BRD9: variants seen among roughly 807,000 people sequenced by gnomAD.
BRD9 encodes bromodomain-containing protein 9.
A neutral mutation model predicts 68.7 loss-of-function variants in BRD9; 47 were observed. The observed-to-expected ratio is 0.68, with a 90% confidence interval of 0.54 to 0.87. The LOEUF is 0.87. Ranked by LOEUF, BRD9 falls within the 40% of genes least tolerant of loss-of-function variation. The pLI, the probability that BRD9 is intolerant of heterozygous loss-of-function variation, is 0.00. For synonymous variants in BRD9, 313 were observed against 293.9 expected (o/e 1.06, Z -0.67); for missense variants, 670 against 748.4 (o/e 0.90, Z 1.22).
At chr5:875,733 A>G (rs1259929303) in intron 12 of BRD9, among the ~76,000 whole-genome samples, 2 of 152,238 alleles carry the variant, frequency 1.3e-5, no homozygotes, top group African/African-American at 4.8e-5. Flanking sequence ...ATACACAGGG[A>G]AAATGAATTT....
At chr5:891,034 T>G in intron 3 of BRD9, 121 bp downstream of exon 3, 2 of 1,299,594 alleles carry the variant, frequency 1.5e-6, no homozygotes, top group Non-Finnish European at 2.0e-6. Context: ...GATGAGGCCC[T>G]GGAAATACCA....
At chr5:868,133 C>T (rs1749620336) in intron 14 of BRD9, among the ~76,000 whole-genome samples, 1 of 152,168 alleles carries the variant, frequency 6.6e-6, no homozygotes, top group Admixed American at 6.5e-5. Flanking sequence ...AAGCACTTCC[C>T]CCTTTGCGTT....
chr5:864,708 T>G, intron 15 of BRD9, 140 bp from the exon 16 acceptor site: 2 of 662,918 alleles, frequency 3.0e-6, no homozygotes, highest in Non-Finnish European at 5.2e-6. Context: ...TCTCACTCCC[T>G]GCCAAGGAGA....
chr5:878,299 C>T (rs554318861), intron 11 of BRD9, 56 bp downstream of exon 11: 9 of 1,602,630 alleles, frequency 5.6e-6, no homozygotes, highest in Non-Finnish European at 7.6e-6. Context: ...ACGTCCCACA[C>T]CAGGGCACAG....
At chr5:864,695 A>G in intron 15 of BRD9, 127 bp from the exon 16 acceptor site, 1 of 722,498 alleles carries the variant, frequency 1.4e-6, no homozygotes, top group Non-Finnish European at 2.3e-6. Context: ...ACACAGGGGC[A>G]CCTCTCACTC....
rs776150641 is a variant in BRD9, at chr5:891,247, G to T, written c.308C>A (p.Thr103Lys). The T allele has an allele frequency of 1.3e-6, 2 of 1,551,780 alleles. No homozygotes were observed. Among genetic ancestry groups the T allele is most frequent in the South Asian group, 1.2e-5 (1 of 84,050 alleles). The change falls in exon 3 of 16, where the codon ACG becomes AAG. Residue 103 changes from threonine to lysine, a missense_variant. Transcript: ENST00000467963. ...ATCAAAGTCGTCAGCCTCTCCCTCC[G>T]TGTCACAGTGCTCCCTCTCTCGCTT... ...KRKREREHCD[T>K]EGEADDFDPG...
chr5:876,755 C>T (rs73733915), intron 11 of BRD9, among the ~76,000 whole-genome samples: 4 of 152,142 alleles, frequency 2.6e-5, no homozygotes, highest in South Asian at 4.2e-4. Context: ...ACCAAGCAAG[C>T]GCCTCAGAAG....
chr5:891,834 C>T lies in BRD9; in HGVS notation c.73G>A (p.Glu25Lys), dbSNP rs1753455691. ...SYEDYADKPL[E>K]KPLKLVLKVG... ...TTCAGGACTAGCTTTAGAGGCTTCT[C>T]CAGGGGCTTGTCGGCATAATCTGCA... Residue 25 changes from glutamate (E) to lysine (K), a missense_variant, in exon 2 of 16, where the codon GAG (glutamate) becomes AAG (lysine). Glu to Lys is a moderately conservative substitution (Grantham distance 56). Transcript: ENST00000467963. 6.4e-7 allele frequency: 1 copy of T among 1,551,510 alleles called. No homozygotes were observed. The highest frequency in any genetic ancestry group is 8.7e-7 in the Non-Finnish European group (1 of 1,147,000).
intron 14 of BRD9, 192 bp downstream of exon 14, chr5:870,281 A>T: frequency 3.5e-6 from 2 of 573,040 alleles, no homozygotes; most frequent in South Asian, 4.2e-5. Flanking sequence ...TAAAAAAGAC[A>T]CAACACTCAG....
chr5:886,586 C>A lies in BRD9; in HGVS notation c.833+6G>T. 6.2e-7 allele frequency: 1 copy of A among 1,612,822 alleles called. No individual in the cohort carries two copies. Among genetic ancestry groups the A allele is most frequent in the East Asian group, 2.2e-5 (1 of 44,870 alleles). On this transcript the variant is annotated splice_donor_region_variant and intron_variant, in intron 7 of 15. Transcript: ENST00000467963. Reference sequence around the variant, plus strand: ...AAAGCAAATGTGGTTTCCACAGAACCTTTACCTGATAACTTCTCTACTCGG... The same window carrying A: ...AAAGCAAATGTGGTTTCCACAGAACATTTACCTGATAACTTCTCTACTCGG...
At chr5:878,635 C>A (rs1488813868) in intron 10 of BRD9, 148 bp from the exon 11 acceptor site, 12 of 1,080,024 alleles carry the variant, frequency 1.1e-5, no homozygotes, top group Non-Finnish European at 1.6e-5. Flanking sequence ...AATTCTCACT[C>A]CTGAGTTTTC....
intron 7 of BRD9, among the ~76,000 whole-genome samples, chr5:884,835 T>C (rs1322952400): frequency 6.6e-6 from 1 of 152,218 alleles, no homozygotes; most frequent in African/African-American, 2.4e-5. Context: ...AGGGAGGGGC[T>C]CCACTCAGGC....
At chr5:883,234 T>C in intron 8 of BRD9, 1 of 435,862 alleles carries the variant, frequency 2.3e-6, no homozygotes, top group South Asian at 1.6e-5. Flanking sequence ...ATGTGCATTT[T>C]GAAGACTTAA....
At chr5:886,084 C>T (rs73733971) in intron 7 of BRD9, among the ~76,000 whole-genome samples, 1,537 of 152,298 alleles carry the variant, frequency 0.01, 28 homozygotes, top group African/African-American at 0.035. Context: ...CTGCTTCCCC[C>T]GCAGCATCCA....
At chr5:876,865 C>G (rs73733919) in intron 11 of BRD9, among the ~76,000 whole-genome samples, 5,642 of 152,230 alleles carry the variant, frequency 0.037, 332 homozygotes, top group African/African-American at 0.13. Context: ...GACTCCGTGT[C>G]TTTGTTAAAA....
intron 7 of BRD9, among the ~76,000 whole-genome samples, chr5:885,244 C>A (rs1478904667): frequency 2.0e-5 from 3 of 152,222 alleles, no homozygotes; most frequent in African/African-American, 7.2e-5. Context: ...ATGCAACGCA[C>A]GTGGGGAGAC....
rs1753319803 is a variant in BRD9, at chr5:891,176, G to C, written c.379C>G (p.Arg127Gly). The part of the protein sequence containing the change: ...EVEPPPDRPV[R>G]ACRTQPAENE... ...TTGCCTGGCTGTGTCCGGCACGCTC[G>C]GACTGGCCGATCTGGGGGCGGCTCC... Residue 127 changes from arginine to glycine, a missense_variant, in exon 3 of 16, where the codon CGA becomes GGA. Physicochemically the swap from Arg to Gly is moderately radical, Grantham distance 125. Around this residue, in one of 5 missense-constraint regions of BRD9, gnomAD observed 94 missense variants for 157.2 expected, o/e 0.60. Coordinates refer to ENST00000467963, the MANE Select transcript of BRD9 (RefSeq NM_023924.5). 6.4e-7 allele frequency: 1 copy of C among 1,551,504 alleles called. No individual in the cohort carries two copies.
At chr5:876,338 G>A in intron 11 of BRD9, 126 bp from the exon 12 acceptor site, 1 of 636,898 alleles carries the variant, frequency 1.6e-6, no homozygotes, top group African/African-American at 1.8e-5. Flanking sequence ...TCCCAGAGCG[G>A]GTATTTTGTG....
At chr5:891,381 G>A (rs1753369346) in intron 2 of BRD9, 94 bp from the exon 3 acceptor site, 1 of 1,466,870 alleles carries the variant, frequency 6.8e-7, no homozygotes, top group South Asian at 1.4e-5. Context: ...GGGAGGGACA[G>A]AACTAAGGGA....
Sources: allele counts gnomAD v4.1 joint callset (sites outside exome capture counted in the v4.1 genomes callset), GRCh38; gene constraint gnomAD v4.1.1; regional missense constraint gnomAD v4.1.1; transcripts MANE v1.5; gene names NCBI Gene and HGNC (gene_info 2026-07-23, HGNC 2026-07-21).